FMN1: variants seen among roughly 807,000 people sequenced by gnomAD.
The protein encoded by FMN1 is formin 1.
Under a neutral mutation model 132.4 loss-of-function variants are expected in FMN1, and 110 were observed. The ratio of observed to expected loss-of-function variants is 0.83; its 90% confidence interval spans 0.71 to 0.97. The LOEUF is 0.97. Among genes scored for constraint, FMN1 ranks in the 50% least tolerant of loss-of-function variants. FMN1 has a pLI of 0.00. For missense variants in FMN1, 1,792 were observed against 1,705.3 expected, an observed-to-expected ratio of 1.05 and a Z score of -0.90; for synonymous variants, 722 against 651.7, an observed-to-expected ratio of 1.11 and a Z score of -1.64.
chr15:32,924,871 G>T (rs1254967230), intron 10 of FMN1, among the ~76,000 whole-genome samples: 1 of 152,132 alleles, frequency 6.6e-6, no homozygotes, highest in East Asian at 1.9e-4. Context: ...CCGAGATCAC[G>T]CCACTGCACT....
In FMN1 at chr15:32,768,552, T is replaced by C. The variant is rs1049536137; in HGVS notation, c.*5758A>G. On this transcript the variant is annotated 3_prime_UTR_variant, in exon 21 of 21. Coordinates refer to ENST00000616417, the MANE Select transcript of FMN1 (RefSeq NM_001277313.2). ...GAGAGCCCCTCAGTGTCTGCACAGG[T>C]AGAATTTAGGAAAATGTTCAGCCTA... 5.3e-5 allele frequency: 8 copies of C among 152,212 alleles called. No individual in the cohort carries two copies. Among genetic ancestry groups the C allele is most frequent in the African/African-American group, 1.7e-4 (7 of 41,442 alleles). 9.4% of individuals were successfully genotyped at this position (152,212 alleles called of 1,614,324 possible).
intron 17 of FMN1, among the ~76,000 whole-genome samples, chr15:32,849,150 A>ATT (rs76387836): frequency 0.052 from 7,257 of 140,118 alleles, 482 homozygotes; most frequent in African/African-American, 0.15. Flanking sequence ...CGCTCAGCTA[A>ATT]TTTTTTTTTT....
At chr15:32,862,763 GTTTC>G (rs1490832490) in intron 16 of FMN1, among the ~76,000 whole-genome samples, 1 of 152,184 alleles carries the variant, frequency 6.6e-6, no homozygotes, top group Non-Finnish European at 1.5e-5. Context: ...TATGAAACTT[GTTTC>G]TTTTTGTATG....
chr15:32,902,041 C>T lies in FMN1; in HGVS notation c.3378-1G>A. 2 of 1,603,252 alleles carry T rather than the reference C, an allele frequency of 1.2e-6. No homozygotes were observed. The highest frequency in any genetic ancestry group is 1.7e-6 in the Non-Finnish European group (2 of 1,176,620). On this transcript the variant is annotated splice_acceptor_variant, in intron 12 of 20. Transcript: ENST00000616417. LOFTEE classifies it high-confidence loss of function. ...AATCTGGGCTAACTCATGTAAAAAT[C>T]TGTAAAAAAGAAAATGTGTCATCTA... is the stretch of plus-strand genomic sequence containing the variant.
In FMN1 at chr15:33,142,647, A is replaced by C. The variant is rs151028823; in HGVS notation, c.1867+10401T>G. On this transcript the variant is annotated intron_variant, in intron 4 of 20. Transcript: ENST00000616417. The stretch of plus-strand genomic sequence containing the variant: ...TCAGCATATTAATATAATGACTTAC[A>C]GTGAGTTTTGTACATAGCTTTTGGA... Among the ~76,000 whole-genome samples the C allele has an allele frequency of 4.2e-3, 641 of 152,344 alleles. 4 individuals carry two copies. Among genetic ancestry groups the C allele is most frequent in the African/African-American group, 0.014 (586 of 41,580 alleles).
At chr15:32,871,236 T>C (rs1049689005) in intron 16 of FMN1, among the ~76,000 whole-genome samples, 8 of 152,132 alleles carry the variant, frequency 5.3e-5, no homozygotes, top group African/African-American at 1.9e-4. Context: ...AACAAATCGG[T>C]CATGACACCA....
intron 10 of FMN1, among the ~76,000 whole-genome samples, chr15:32,913,268 A>G (rs1336010618): frequency 6.6e-6 from 1 of 152,138 alleles, no homozygotes; most frequent in Non-Finnish European, 1.5e-5. Flanking sequence ...GTATTATCAT[A>G]TTTTTATCTA....
In FMN1 at chr15:33,008,001, C is replaced by T. The variant is rs1250922825; in HGVS notation, c.2223+13G>A. On this transcript the variant is annotated intron_variant, in intron 7 of 20. Transcript: ENST00000616417. Reference sequence around the variant, plus strand: ...TTCTATAGAACCCGTTCAGTAGCATCAAAGAGGCATACCTGCAGGTTTTCA... The same window carrying T: ...TTCTATAGAACCCGTTCAGTAGCATTAAAGAGGCATACCTGCAGGTTTTCA... 2 of 1,593,268 alleles carry T rather than the reference C, an allele frequency of 1.3e-6. No individual in the cohort carries two copies. The highest frequency in any genetic ancestry group is 1.7e-5 in the Admixed American group (1 of 57,434).
In FMN1 at chr15:33,123,757, C is replaced by T. The variant is rs572997007; in HGVS notation, c.1867+29291G>A. On this transcript the variant is annotated intron_variant, in intron 4 of 20. Coordinates refer to ENST00000616417, the MANE Select transcript of FMN1 (RefSeq NM_001277313.2). ...CTTCCTCCATTTGGCCTTTTGGCTC[C>T]ACTACGTAAAGTTTCTTAGTTAGAA... is the stretch of plus-strand genomic sequence containing the variant. Among the ~76,000 whole-genome samples, 3 of 152,284 alleles carry T rather than the reference C, an allele frequency of 2.0e-5. No individual in the cohort carries two copies. The East Asian group carries it at 5.8e-4, about 29-fold the overall frequency.
intron 16 of FMN1, among the ~76,000 whole-genome samples, chr15:32,868,171 T>C (rs2059435871): frequency 6.6e-6 from 1 of 152,176 alleles, no homozygotes; most frequent in African/African-American, 2.4e-5. Context: ...GCTGAAAAAT[T>C]CTGATAGTCC....
In FMN1 at chr15:32,768,513, T is replaced by C. The variant is rs958967371; in HGVS notation, c.*5797A>G. 6 of 152,258 alleles carry C rather than the reference T, an allele frequency of 3.9e-5. No individual in the cohort carries two copies. The highest frequency in any genetic ancestry group is 1.4e-4 in the African/African-American group (6 of 41,460). 9.4% of individuals were successfully genotyped at this position (152,258 alleles called of 1,614,324 possible). On this transcript the variant is annotated 3_prime_UTR_variant, in exon 21 of 21. Transcript: ENST00000616417. ...TTCATATTAATTTAAGACGTTCTCA[T>C]AGTTTCAAAGGTAGAGAGCCCCTCA...
At chr15:32,779,084 T>C (rs969692998) in intron 19 of FMN1, among the ~76,000 whole-genome samples, 6 of 152,198 alleles carry the variant, frequency 3.9e-5, no homozygotes, top group African/African-American at 7.2e-5. Context: ...ACTCTATTTA[T>C]ATGAAATGTT....
chr15:32,805,037 C>T (rs1405147667), intron 17 of FMN1, among the ~76,000 whole-genome samples: 2 of 152,082 alleles, frequency 1.3e-5, no homozygotes, highest in African/African-American at 4.8e-5. Context: ...GTAATGGGAT[C>T]ACTGGGTCAA....
chr15:32,871,379 T>G (rs1226394911), intron 16 of FMN1, among the ~76,000 whole-genome samples: 8 of 152,214 alleles, frequency 5.3e-5, no homozygotes, highest in Admixed American at 3.9e-4. Context: ...AATTTTTTTG[T>G]ATTTTGATTC....
intron 19 of FMN1, among the ~76,000 whole-genome samples, chr15:32,797,108 G>A (rs1402655332): frequency 6.6e-6 from 1 of 152,196 alleles, no homozygotes; most frequent in East Asian, 1.9e-4. Flanking sequence ...CATTTTGAAG[G>A]ACTTCTGGAT....
At chr15:32,940,572 C>CT (rs1460506679) in intron 9 of FMN1, among the ~76,000 whole-genome samples, 1 of 152,098 alleles carries the variant, frequency 6.6e-6, no homozygotes, top group African/African-American at 2.4e-5. Context: ...TGCCAAGACT[C>CT]TTATTTAAAA....
chr15:33,184,134 T>C (rs745724589), intron 2 of FMN1, among the ~76,000 whole-genome samples: 1 of 152,238 alleles, frequency 6.6e-6, no homozygotes, highest in Non-Finnish European at 1.5e-5. Flanking sequence ...TATTCATTTT[T>C]ATAAAAGCAT....
intron 4 of FMN1, among the ~76,000 whole-genome samples, chr15:33,140,442 G>A (rs1963963577): frequency 6.6e-6 from 1 of 152,206 alleles, no homozygotes; most frequent in African/African-American, 2.4e-5. Context: ...CTGCTCTAAT[G>A]GAAGAGCCAC....
intron 4 of FMN1, among the ~76,000 whole-genome samples, chr15:33,142,138 T>G (rs1964036372): frequency 6.6e-6 from 1 of 152,164 alleles, no homozygotes; most frequent in Non-Finnish European, 1.5e-5. Context: ...AACTCCAGAT[T>G]CATCAGACTC....
Sources: allele counts gnomAD v4.1 joint callset (sites outside exome capture counted in the v4.1 genomes callset), GRCh38; gene constraint gnomAD v4.1.1; transcripts MANE v1.5; gene names NCBI Gene and HGNC (gene_info 2026-07-23, HGNC 2026-07-21).